The following CCSER1 variants were observed in gnomAD, a reference collection of about 807,000 sequenced individuals.
CCSER1 encodes coiled-coil serine rich protein 1.
A neutral mutation model predicts 82.0 loss-of-function variants in CCSER1; 41 were observed. The observed-to-expected ratio is 0.50, with a 90% CI of 0.39 to 0.65. CCSER1 has a LOEUF of 0.65. Among genes scored for constraint, CCSER1 ranks in the 30% least tolerant of loss-of-function variants. The pLI is 0.00. For synonymous variants in CCSER1, 414 were observed against 383.9 expected (o/e 1.08, Z -0.92); for missense variants, 1,119 against 1,064.2 (o/e 1.05, Z -0.72).
At chr4:90,356,566 A>T (rs555078157) in intron 3 of CCSER1, among the ~76,000 whole-genome samples, 123 of 151,858 alleles carry the variant, frequency 8.1e-4, no homozygotes, top group Non-Finnish European at 4.3e-4. Flanking sequence ...TTCTTTATCT[A>T]CAAAATCAGG....
intron 9 of CCSER1, among the ~76,000 whole-genome samples, chr4:91,038,303 C>T (rs1021378132): frequency 2.6e-5 from 4 of 151,226 alleles, no homozygotes; most frequent in Non-Finnish European, 5.9e-5. Context: ...AATTTGAATC[C>T]TCTATAAATG....
chr4:91,487,421 G>A (rs1244460517), intron 10 of CCSER1, among the ~76,000 whole-genome samples: 3 of 152,098 alleles, frequency 2.0e-5, no homozygotes, highest in Non-Finnish European at 4.4e-5. Context: ...AAACAAATAT[G>A]TTCAAAGAGT....
intron 10 of CCSER1, among the ~76,000 whole-genome samples, chr4:91,503,234 C>T (rs1020856800): frequency 1.3e-5 from 2 of 150,800 alleles, no homozygotes; most frequent in South Asian, 4.2e-4. Flanking sequence ...CCCAGCTACT[C>T]GGGAGGCTGA....
intron 10 of CCSER1, among the ~76,000 whole-genome samples, chr4:91,278,266 G>A (rs2149197352): frequency 6.6e-6 from 1 of 151,978 alleles, no homozygotes; most frequent in East Asian, 1.9e-4. Flanking sequence ...AATGCTGACA[G>A]TAGGGCGTTG....
intron 5 of CCSER1, among the ~76,000 whole-genome samples, chr4:90,551,706 C>CTCTCTATATATATATATATATATA: frequency 1.3e-4 from 14 of 104,236 alleles, no homozygotes; most frequent in African/African-American, 4.6e-4. Flanking sequence ...CTCTCTCTCT[C>CTCTCTATATATATATATATATATA]TATATATATA....
intron 7 of CCSER1, among the ~76,000 whole-genome samples, chr4:90,797,003 C>T (rs1756131109): frequency 6.6e-6 from 1 of 151,958 alleles, no homozygotes; most frequent in African/African-American, 2.4e-5. Flanking sequence ...CTATTAGATC[C>T]ATTTGATCCA....
chr4:91,193,147 C>A (rs986154071), intron 10 of CCSER1, among the ~76,000 whole-genome samples: 1 of 152,020 alleles, frequency 6.6e-6, no homozygotes, highest in African/African-American at 2.4e-5. Context: ...TAAAACAGAG[C>A]CTTTTACCTC....
chr4:90,966,970 G>A (rs981133465), intron 9 of CCSER1, among the ~76,000 whole-genome samples: 1 of 151,866 alleles, frequency 6.6e-6, no homozygotes, highest in African/African-American at 2.4e-5. Context: ...AAACAAAATT[G>A]GATAACCTAC....
At chr4:90,971,621 A>G (rs769110510) in intron 9 of CCSER1, among the ~76,000 whole-genome samples, 3 of 151,996 alleles carry the variant, frequency 2.0e-5, no homozygotes, top group Non-Finnish European at 4.4e-5. Context: ...AAGCTCCTCC[A>G]AAAAAATTGA....
chr4:90,846,882 G>T (rs1763291802), intron 8 of CCSER1, among the ~76,000 whole-genome samples: 3 of 152,034 alleles, frequency 2.0e-5, no homozygotes, highest in African/African-American at 4.8e-5. Context: ...CTCTTGACCT[G>T]GTGATACACC....
intron 10 of CCSER1, among the ~76,000 whole-genome samples, chr4:91,136,642 T>G (rs951139935): frequency 1.2e-4 from 19 of 152,222 alleles, no homozygotes; most frequent in African/African-American, 4.6e-4. Context: ...TGAGATAGTA[T>G]AAGATGTATG....
intron 10 of CCSER1, among the ~76,000 whole-genome samples, chr4:91,200,293 A>G (rs537470036): frequency 4.6e-5 from 7 of 152,054 alleles, no homozygotes; most frequent in Non-Finnish European, 7.4e-5. Flanking sequence ...TGTTACCACA[A>G]ATTTTTTTTG....
chr4:90,183,608 G>C (rs2153387765), intron 1 of CCSER1, among the ~76,000 whole-genome samples: 1 of 152,228 alleles, frequency 6.6e-6, no homozygotes, highest in Admixed American at 6.5e-5. Context: ...AATGAACAAT[G>C]AACTATGTTA....
intron 10 of CCSER1, among the ~76,000 whole-genome samples, chr4:91,385,861 G>A (rs1462112935): frequency 6.6e-6 from 1 of 151,770 alleles, no homozygotes; most frequent in Non-Finnish European, 1.5e-5. Context: ...AGATAGATTG[G>A]AATTAATGTT....
intron 10 of CCSER1, among the ~76,000 whole-genome samples, chr4:91,292,850 A>G (rs1398868894): frequency 2.6e-5 from 4 of 151,990 alleles, no homozygotes; most frequent in African/African-American, 9.7e-5. Flanking sequence ...ATGCTTGAGT[A>G]TCCACTTGTC....
At chr4:90,792,215 T>C (rs1397007814) in intron 7 of CCSER1, among the ~76,000 whole-genome samples, 1 of 152,168 alleles carries the variant, frequency 6.6e-6, no homozygotes, top group Non-Finnish European at 1.5e-5. Context: ...TTTATATTGA[T>C]GCTCGAGTCC....
intron 5 of CCSER1, among the ~76,000 whole-genome samples, chr4:90,562,818 T>C (rs1778930671): frequency 6.7e-6 from 1 of 149,360 alleles, no homozygotes; most frequent in Admixed American, 6.7e-5. Context: ...GATTATAGGC[T>C]TGAGCCATCA....
chr4:91,227,565 T>TA (rs1213273696), intron 10 of CCSER1, among the ~76,000 whole-genome samples: 2 of 151,774 alleles, frequency 1.3e-5, no homozygotes, highest in African/African-American at 4.8e-5. Context: ...TTTTTTTTTT[T>TA]ACCCAAGTAT....
intron 10 of CCSER1, among the ~76,000 whole-genome samples, chr4:91,467,132 A>T (rs2149439351): frequency 6.6e-6 from 1 of 152,328 alleles, no homozygotes; most frequent in African/African-American, 2.4e-5. Context: ...TGACCAAAAC[A>T]GCATGGTACT....
Sources: allele counts gnomAD v4.1 joint callset (sites outside exome capture counted in the v4.1 genomes callset), GRCh38; gene constraint gnomAD v4.1.1; transcripts MANE v1.5; gene names NCBI Gene and HGNC (gene_info 2026-07-23, HGNC 2026-07-21).